The following CFAP299 variants were observed in gnomAD, a reference collection of about 807,000 sequenced individuals.
The protein encoded by CFAP299 is cilia- and flagella-associated protein 299.
CFAP299 carries 21 observed loss-of-function variants against 27.0 expected under a neutral mutation model. That is an observed-to-expected ratio of 0.78 (90% CI 0.55 to 1.12). The LOEUF (loss-of-function observed/expected upper bound fraction) is 1.12. Among genes scored for constraint, CFAP299 ranks in the 50% most tolerant of loss-of-function variants. The pLI is 0.00. For synonymous variants in CFAP299, 104 were observed against 98.1 expected (o/e 1.06, Z -0.36); for missense variants, 310 against 276.6 (o/e 1.12, Z -0.86).
intron 2 of CFAP299, among the ~76,000 whole-genome samples, chr4:80,450,441 G>A (rs1324253303): frequency 2.6e-5 from 4 of 152,080 alleles, no homozygotes; most frequent in African/African-American, 9.7e-5. Context: ...GAAGAGAAAT[G>A]CTTGGAAGAA....
chr4:80,442,022 A>G (rs1728384141), intron 2 of CFAP299, among the ~76,000 whole-genome samples: 1 of 152,220 alleles, frequency 6.6e-6, no homozygotes, highest in South Asian at 2.1e-4. Context: ...CTAAATATAT[A>G]TGCACCCAAT....
At chr4:80,800,593 T>C (rs1163447400) in intron 3 of CFAP299, among the ~76,000 whole-genome samples, 2 of 92,644 alleles carry the variant, frequency 2.2e-5, no homozygotes, top group South Asian at 2.8e-4. Context: ...TAATATATAA[T>C]ATATTAATAT....
chr4:80,807,130 G>T (rs1036685359), intron 3 of CFAP299, among the ~76,000 whole-genome samples: 11 of 152,002 alleles, frequency 7.2e-5, no homozygotes, highest in Non-Finnish European at 1.3e-4. Flanking sequence ...GCAGGTTAAA[G>T]AAATGATTTT....
At chr4:80,851,203 C>T (rs759822933) in intron 3 of CFAP299, among the ~76,000 whole-genome samples, 8 of 152,028 alleles carry the variant, frequency 5.3e-5, no homozygotes, top group Non-Finnish European at 7.4e-5. Context: ...AATGTCTGGC[C>T]AAGCTAAGGA....
chr4:80,530,027 A>T (rs886289807), intron 2 of CFAP299, among the ~76,000 whole-genome samples: 1 of 152,216 alleles, frequency 6.6e-6, no homozygotes, highest in Admixed American at 6.5e-5. Flanking sequence ...ATAAATTAAC[A>T]CATTGAATTA....
chr4:80,561,617 A>G (rs889893221), intron 2 of CFAP299, among the ~76,000 whole-genome samples: 2 of 152,070 alleles, frequency 1.3e-5, no homozygotes, highest in African/African-American at 4.8e-5. Context: ...AGATTGAAAT[A>G]AAAAGAATCA....
chr4:80,461,692 G>A (rs1330152961), intron 2 of CFAP299, among the ~76,000 whole-genome samples: 1 of 152,056 alleles, frequency 6.6e-6, no homozygotes, highest in Non-Finnish European at 1.5e-5. Context: ...TGGTTGAGGT[G>A]CTTAGAATGT....
rs574598292 is a variant in CFAP299, at chr4:80,876,975, C to A, written c.476+6840C>A. ...TTCATTGAGCTTGGCAGAAAACACC[C>A]CTTTGTACTTAACCAGGCTTTCATT... is the stretch of plus-strand genomic sequence containing the variant. On this transcript the variant is annotated intron_variant, in intron 4 of 5. Coordinates refer to ENST00000358105, the MANE Select transcript of CFAP299 (RefSeq NM_152770.3). Among the ~76,000 whole-genome samples the A allele has an allele frequency of 3.3e-5, 5 of 152,216 alleles. No homozygotes were observed. In the South Asian group the frequency reaches 8.3e-4, roughly 25 times the overall value.
intron 3 of CFAP299, among the ~76,000 whole-genome samples, chr4:80,794,972 G>A (rs1360132738): frequency 6.6e-6 from 1 of 152,128 alleles, no homozygotes; most frequent in Non-Finnish European, 1.5e-5. Flanking sequence ...AGCCCATGTT[G>A]CTGAGCCCAT....
the CFAP299 span, among the ~76,000 whole-genome samples, chr4:80,321,467 G>A: frequency 6.6e-6 from 1 of 152,082 alleles, no homozygotes; most frequent in African/African-American, 2.4e-5. Context: ...GGCCGTGGTG[G>A]GTGCTCTTTG....
At chr4:80,716,511 C>A (rs770409351) in intron 3 of CFAP299, among the ~76,000 whole-genome samples, 9 of 151,894 alleles carry the variant, frequency 5.9e-5, no homozygotes, top group Non-Finnish European at 1.0e-4. Context: ...TCAAATTGTG[C>A]CTTGCTTCAA....
At chr4:80,697,834 C>T (rs1031084983) in intron 3 of CFAP299, among the ~76,000 whole-genome samples, 1 of 152,154 alleles carries the variant, frequency 6.6e-6, no homozygotes, top group African/African-American at 2.4e-5. Flanking sequence ...TGTGTCTAAA[C>T]AAAGTGACAC....
intron 3 of CFAP299, among the ~76,000 whole-genome samples, chr4:80,842,687 A>G (rs1730929736): frequency 6.6e-6 from 1 of 152,016 alleles, no homozygotes; most frequent in Non-Finnish European, 1.5e-5. Context: ...AAATCTTAAG[A>G]CTCAGGATTA....
At chr4:80,569,971 C>T (rs1735503713) in intron 2 of CFAP299, among the ~76,000 whole-genome samples, 1 of 151,578 alleles carries the variant, frequency 6.6e-6, no homozygotes, top group Admixed American at 6.6e-5. Context: ...GGTAGTGATA[C>T]AAAGAAAATC....
At chr4:80,710,790 C>T (rs907692422) in intron 3 of CFAP299, among the ~76,000 whole-genome samples, 26 of 151,868 alleles carry the variant, frequency 1.7e-4, no homozygotes, top group African/African-American at 6.0e-4. Context: ...TCCATCAGAC[C>T]GTACACATAA....
intron 2 of CFAP299, among the ~76,000 whole-genome samples, chr4:80,566,269 C>A (rs1417532031): frequency 6.6e-6 from 1 of 151,986 alleles, no homozygotes; most frequent in Non-Finnish European, 1.5e-5. Flanking sequence ...TGCAATAAGC[C>A]TTTCTAATAG....
At chr4:80,940,439 C>T (rs1040908273) in intron 4 of CFAP299, among the ~76,000 whole-genome samples, 7 of 152,134 alleles carry the variant, frequency 4.6e-5, no homozygotes, top group Non-Finnish European at 8.8e-5. Flanking sequence ...GGCTATGCTG[C>T]CTTAGATGAT....
intron 2 of CFAP299, among the ~76,000 whole-genome samples, chr4:80,535,955 G>C (rs981669369): frequency 1.3e-5 from 2 of 152,178 alleles, no homozygotes; most frequent in African/African-American, 4.8e-5. Flanking sequence ...GGATCATCAA[G>C]CTAGGGAGAG....
At chr4:80,784,095 T>C (rs1727097693) in intron 3 of CFAP299, among the ~76,000 whole-genome samples, 1 of 152,192 alleles carries the variant, frequency 6.6e-6, no homozygotes, top group South Asian at 2.1e-4. Flanking sequence ...CTAAATAATA[T>C]TCCATTTGTG....
Sources: gnomAD v4.1 joint callset for allele counts (sites outside exome capture counted in the v4.1 genomes callset) on GRCh38, gnomAD v4.1.1 for gene constraint, MANE v1.5 for transcripts, NCBI Gene and HGNC (gene_info 2026-07-23, HGNC 2026-07-21) for gene names.